The following TTC39C variants were observed in gnomAD, a reference collection of about 807,000 sequenced individuals.
TTC39C encodes the protein tetratricopeptide repeat domain 39C, also known as tetratricopeptide repeat protein 39C.
A neutral mutation model predicts 76.3 loss-of-function variants in TTC39C; 33 were observed. The ratio of observed to expected loss-of-function variants is 0.43; its 90% CI spans 0.33 to 0.58. The LOEUF (loss-of-function observed/expected upper bound fraction) is 0.58. Among genes scored for constraint, TTC39C ranks in the 20% least tolerant of loss-of-function variants. The pLI is 0.04. For missense variants in TTC39C, 595 were observed against 701.4 expected, an observed-to-expected ratio of 0.85 and a Z score of 1.71; for synonymous variants, 254 against 260.6, an observed-to-expected ratio of 0.97 and a Z score of 0.24.
chr18:24,113,291 G>C (rs531853480), intron 6 of TTC39C: 58 of 438,092 alleles, frequency 1.3e-4, no homozygotes, highest in Non-Finnish European at 2.2e-4. Flanking sequence ...GTCACAGGCT[G>C]TCCTGAAGAT....
chr18:24,100,753 A>G (rs1328878885), intron 6 of TTC39C, among the ~76,000 whole-genome samples: 2 of 152,352 alleles, frequency 1.3e-5, no homozygotes, highest in South Asian at 2.1e-4. Context: ...CACGTCAGGC[A>G]GTTTGAAAGA....
Position 24,099,077 on chromosome 18 carries a change from CATATATATAACATATATACAT to C in TTC39C, c.985-15467_985-15447del, listed in dbSNP as rs1222837901. ...CACGTATATACATATAACATATATACATATATATAACATATATACATATATATATATAAAACGTGTGTGTGT... is the reference window on the plus strand; with the variant it reads ...CACGTATATACATATAACATATATACATATATATATAAAACGTGTGTGTGT... On this transcript the variant is annotated intron_variant, in intron 6 of 13. Transcript: ENST00000317571. 5 of 118,126 alleles carry C rather than the reference CATATATATAACATATATACAT, an allele frequency of 4.2e-5. No homozygotes were observed. In the South Asian group the frequency reaches 8.3e-4, roughly 20 times the overall value. The allele number at this position is 118,126 out of a possible 1,614,324, so 7.3% of individuals were successfully genotyped here. A position where few individuals can be genotyped will look rare whatever the true frequency, so the allele number is the denominator to read the frequency against.
intron 6 of TTC39C, among the ~76,000 whole-genome samples, chr18:24,091,164 CTT>C (rs1302139820): frequency 6.6e-6 from 1 of 152,228 alleles, no homozygotes; most frequent in Non-Finnish European, 1.5e-5. Flanking sequence ...AAAGAATAGT[CTT>C]TTCAGCCAGG....
chr18:24,064,270 G>A, intron 2 of TTC39C, 82 bp downstream of exon 2: 1 of 1,495,876 alleles, frequency 6.7e-7, no homozygotes, highest in South Asian at 1.2e-5. Flanking sequence ...CAGTTGTATA[G>A]ATACACTATT....
chr18:24,102,363 C>G (rs896969096), intron 6 of TTC39C, among the ~76,000 whole-genome samples: 3 of 152,218 alleles, frequency 2.0e-5, no homozygotes, highest in Non-Finnish European at 4.4e-5. Context: ...CATAACTACT[C>G]TATCCATTAT....
At chr18:24,064,576 C>G (rs534034973) in intron 2 of TTC39C, among the ~76,000 whole-genome samples, 51 of 152,242 alleles carry the variant, frequency 3.3e-4, no homozygotes, top group African/African-American at 1.0e-3. Flanking sequence ...TAAAATTCGT[C>G]AGTTTGTATT....
chr18:24,121,574 T>C (rs922513321), intron 8 of TTC39C, among the ~76,000 whole-genome samples: 11 of 151,640 alleles, frequency 7.3e-5, no homozygotes, highest in Admixed American at 2.6e-4. Flanking sequence ...AGCAAAACTC[T>C]GTCAAAAAAA....
intron 6 of TTC39C, among the ~76,000 whole-genome samples, chr18:24,087,709 C>T (rs1181273097): frequency 2.6e-5 from 4 of 151,640 alleles, no homozygotes; most frequent in East Asian, 1.9e-4. Flanking sequence ...CTCAGCCTCC[C>T]GAGTAGCTGG....
chr18:24,091,059 G>A (rs117592303), intron 6 of TTC39C, among the ~76,000 whole-genome samples: 1 of 152,048 alleles, frequency 6.6e-6, no homozygotes, highest in South Asian at 2.1e-4. Context: ...TGTCCGCCTC[G>A]GCCTCCCGAA....
intron 6 of TTC39C, among the ~76,000 whole-genome samples, chr18:24,087,533 G>T (rs1427418209): frequency 6.6e-6 from 1 of 151,044 alleles, no homozygotes; most frequent in Non-Finnish European, 1.5e-5. Flanking sequence ...TTTCTATAAA[G>T]TTAATGAACA....
chr18:24,068,723 C>T (rs963617995), intron 3 of TTC39C, among the ~76,000 whole-genome samples: 19 of 152,126 alleles, frequency 1.2e-4, no homozygotes, highest in South Asian at 2.1e-4. Context: ...GTTGCATGCA[C>T]GAAAAGAATG....
intron 1 of TTC39C, among the ~76,000 whole-genome samples, chr18:24,057,965 G>T (rs1200627013): frequency 6.6e-6 from 1 of 152,192 alleles, no homozygotes; most frequent in Non-Finnish European, 1.5e-5. Flanking sequence ...ATATACTGTG[G>T]AATACTATGC....
Position 24,026,445 on chromosome 18 carries a change from T to TA in TTC39C, c.167+11407_167+11408insA, listed in dbSNP as rs565092420. On this transcript the variant is annotated intron_variant, in intron 1 of 13. Transcript: ENST00000317571. ...TAAAATGTGAGGAAATAGGGTCAGA[T>TA]GCTTCATGGTTTTCTGTTGAGCTTG... Among the ~76,000 whole-genome samples the TA allele has an allele frequency of 9.0e-4, 137 of 152,338 alleles. 2 individuals carry two copies. In the East Asian group the frequency reaches 0.02, roughly 23 times the overall value.
rs114201904 is a variant in TTC39C at position 24,090,460 on chromosome 18, G to A, written c.984+7379G>A. ...GCAGTTTAACATTTTTAAAAATACT[G>A]CTGAAAAGATATCCATGTTTTGTAT... is the stretch of plus-strand genomic sequence containing the variant. On this transcript the variant is annotated intron_variant, in intron 6 of 13. Transcript: ENST00000317571. Among the ~76,000 whole-genome samples the A allele has an allele frequency of 3.6e-3, 544 of 152,200 alleles. 7 individuals carry two copies. The highest frequency in any genetic ancestry group is 0.012 in the African/African-American group (504 of 41,512).
intron 1 of TTC39C, among the ~76,000 whole-genome samples, chr18:24,002,532 A>C (rs1019543651): frequency 6.6e-6 from 1 of 152,182 alleles, no homozygotes; most frequent in African/African-American, 2.4e-5. Flanking sequence ...GTGATCGTGC[A>C]AGATGGGAGC....
At chr18:24,118,345 G>A (rs961998406) in intron 8 of TTC39C, 113 bp downstream of exon 8, 3 of 691,162 alleles carry the variant, frequency 4.3e-6, no homozygotes, top group Admixed American at 2.7e-5. Flanking sequence ...CCCCTCCACA[G>A]CCTTCCCCAG....
In TTC39C at chr18:24,044,052, T is replaced by TTGTGTG. The variant is rs56233680; in HGVS notation, c.168-20054_168-20049dup. 8.9e-4 allele frequency among the ~76,000 whole-genome samples: 132 copies of TTGTGTG among 147,960 alleles called. No individual in the cohort carries two copies. The Middle Eastern group carries it at 0.024, about 27-fold the overall frequency. ...TGGCTGAAAGAGCATTTGTGTATGT[T>TTGTGTG]TGTGTGTGTGTGTGTGTGTGTGTGT... On this transcript the variant is annotated intron_variant, in intron 1 of 13. Coordinates refer to ENST00000317571, the MANE Select transcript of TTC39C (RefSeq NM_001135993.2).
intron 10 of TTC39C, 146 bp downstream of exon 10, chr18:24,125,696 G>A (rs558529499): frequency 4.1e-5 from 43 of 1,044,902 alleles, no homozygotes; most frequent in African/African-American, 3.9e-4. Context: ...AGAGGGTGTC[G>A]TGATGAAGAA....
At chr18:24,124,108 C>T in intron 9 of TTC39C, 165 bp downstream of exon 9, 1 of 494,332 alleles carries the variant, frequency 2.0e-6, no homozygotes. Context: ...TGTACATCTG[C>T]TCTGAATAGA....
Sources: gnomAD v4.1 joint callset for allele counts (sites outside exome capture counted in the v4.1 genomes callset) on GRCh38, gnomAD v4.1.1 for gene constraint, MANE v1.5 for transcripts, NCBI Gene and HGNC (gene_info 2026-07-23, HGNC 2026-07-21) for gene names.